DACH2: variants seen among roughly 807,000 people sequenced by gnomAD.
DACH2 encodes dachshund homolog 2.
In DACH2, 17 loss-of-function variants were observed where a neutral mutation model predicts 35.8. The observed-to-expected ratio is 0.48, with a 90% CI of 0.33 to 0.71. DACH2 has a LOEUF of 0.71. Ranked by LOEUF, DACH2 falls within the 30% of genes least tolerant of loss-of-function variation. The pLI is 0.02. For missense variants in DACH2, 469 were observed against 472.7 expected, an observed-to-expected ratio of 0.99 and a Z score of 0.07; for synonymous variants, 195 against 177.3, an observed-to-expected ratio of 1.10 and a Z score of -0.79.
Position 86,651,136 on chromosome X carries a change from A to G in DACH2, c.741A>G (p.Glu247=), listed in dbSNP as rs373386805. Residue 247 remains glutamate (E), a synonymous_variant, in exon 4 of 12, where the codon GAA becomes GAG. Coordinates refer to ENST00000373125, the MANE Select transcript of DACH2 (RefSeq NM_053281.3). ...GAAATGGAAGCCAAAATGGGACCGA[A>G]TCAGAGCCTGATGATCTTAATTCTA... The part of the protein sequence containing the change: ...LQGNGSQNGT[E]SEPDDLNSNT... The G allele has an allele frequency of 8.3e-6, 10 of 1,207,902 alleles. No homozygotes were observed. The highest frequency in any genetic ancestry group is 1.1e-5 in the Non-Finnish European group (10 of 894,215).
chrX:86,279,164 C>T (rs1290317269), intron 1 of DACH2, among the ~76,000 whole-genome samples: 3 of 111,710 alleles, frequency 2.7e-5, no homozygotes, highest in Non-Finnish European at 5.7e-5. Flanking sequence ...AGAGAGCAGC[C>T]GATGTCCCAG....
At chrX:86,514,675 G>A (rs1434500790) in intron 3 of DACH2, among the ~76,000 whole-genome samples, 2 of 111,637 alleles carry the variant, frequency 1.8e-5, no homozygotes, top group African/African-American at 3.3e-5. Context: ...AGGAATGGAG[G>A]CACTGGCCCA....
rs770099868 is a variant in DACH2, at chrX:86,148,658, C to T, written c.38C>T (p.Ser13Phe). Residue 13 changes from serine to phenylalanine, a missense_variant, in exon 1 of 12, where the codon TCC becomes TTC. This residue lies in a region of DACH2 where 99 missense variants were observed against 114.3 expected (regional missense o/e 0.87). Coordinates refer to ENST00000373125, the MANE Select transcript of DACH2 (RefSeq NM_053281.3). ...GCATCTCCAGTGATCTCTGCAACTT[C>T]CAGCGGCGCCGGCGTCCCGGGGGGC... is the stretch of plus-strand genomic sequence containing the variant. ...VSASPVISAT[S>F]SGAGVPGGLF... 15 of 1,190,123 alleles carry T rather than the reference C, an allele frequency of 1.3e-5. No homozygotes were observed. The highest frequency in any genetic ancestry group is 1.7e-5 in the Non-Finnish European group (15 of 884,334).
At chrX:86,150,123 G>A (rs758550152) in intron 1 of DACH2, among the ~76,000 whole-genome samples, 2 of 111,720 alleles carry the variant, frequency 1.8e-5, no homozygotes, top group South Asian at 7.5e-4. Flanking sequence ...AAGAAAAAAA[G>A]TATACTCAAG....
intron 6 of DACH2, among the ~76,000 whole-genome samples, chrX:86,735,703 A>C (rs886115367): frequency 7.2e-5 from 8 of 111,629 alleles, no homozygotes; most frequent in African/African-American, 2.6e-4. Context: ...GATTTGGAGA[A>C]GACTTCTGTG....
At chrX:86,408,437 T>A (rs1449036763) in intron 2 of DACH2, among the ~76,000 whole-genome samples, 1 of 111,639 alleles carries the variant, frequency 9.0e-6, no homozygotes, top group Non-Finnish European at 1.9e-5. Context: ...GCATTCCTCT[T>A]CTCACCTTAA....
At chrX:86,678,450 A>G (rs192345972) in intron 4 of DACH2, among the ~76,000 whole-genome samples, 1 of 112,635 alleles carries the variant, frequency 8.9e-6, no homozygotes, top group Non-Finnish European at 1.9e-5. Flanking sequence ...ATGTTTGAAA[A>G]CATTTACAAT....
chrX:86,736,807 C>G (rs2041601341), intron 6 of DACH2, among the ~76,000 whole-genome samples: 1 of 111,301 alleles, frequency 9.0e-6, no homozygotes, highest in Non-Finnish European at 1.9e-5. Context: ...TTTATTTTTT[C>G]ACAATAACTG....
At chrX:86,778,528 A>G (rs1212373667) in intron 7 of DACH2, among the ~76,000 whole-genome samples, 2 of 112,283 alleles carry the variant, frequency 1.8e-5, no homozygotes, top group Non-Finnish European at 3.8e-5. Context: ...ACAGCCCAAT[A>G]TATGAATTAT....
intron 2 of DACH2, among the ~76,000 whole-genome samples, chrX:86,434,463 C>A (rs1367060635): frequency 8.9e-6 from 1 of 112,040 alleles, no homozygotes; most frequent in East Asian, 2.8e-4. Flanking sequence ...TATTTCACTT[C>A]TCTTGATGGC....
intron 3 of DACH2, among the ~76,000 whole-genome samples, chrX:86,614,266 G>A (rs1305850822): frequency 3.6e-5 from 4 of 111,615 alleles, no homozygotes; most frequent in Admixed American, 1.9e-4. Context: ...TAGTGTTTAG[G>A]AAATCTTATA....
intron 2 of DACH2, among the ~76,000 whole-genome samples, chrX:86,397,112 T>C (rs987765139): frequency 6.4e-5 from 7 of 110,126 alleles, no homozygotes; most frequent in East Asian, 2.9e-4. Context: ...TCACATCCCT[T>C]GTAAGTTGGA....
At chrX:86,721,786 G>A (rs1030202577) in intron 6 of DACH2, among the ~76,000 whole-genome samples, 4 of 111,887 alleles carry the variant, frequency 3.6e-5, no homozygotes, top group African/African-American at 1.3e-4. Context: ...AGTTCCACAT[G>A]ACTGGGGAGG....
intron 6 of DACH2, among the ~76,000 whole-genome samples, chrX:86,733,987 G>A (rs956689394): frequency 8.7e-5 from 6 of 68,811 alleles, no homozygotes; most frequent in African/African-American, 3.7e-4. Flanking sequence ...GGCATTAAGG[G>A]TTGTTTGTGT....
chrX:86,816,521 A>ATCTTATGCGGTTGAGATAAGGAC (rs2042453967), intron 11 of DACH2, among the ~76,000 whole-genome samples: 1 of 112,294 alleles, frequency 8.9e-6, no homozygotes, highest in African/African-American at 3.2e-5. Flanking sequence ...ATTGTAACCT[A>ATCTTATGCGGTTGAGATAAGGAC]TCAAAATTTT....
intron 2 of DACH2, among the ~76,000 whole-genome samples, chrX:86,508,858 T>C (rs1303517719): frequency 7.2e-5 from 8 of 111,777 alleles, no homozygotes; most frequent in Non-Finnish European, 1.3e-4. Flanking sequence ...AAGTGTGTAG[T>C]CAACCCATAA....
At chrX:86,687,352 A>G (rs2040957016) in intron 4 of DACH2, among the ~76,000 whole-genome samples, 1 of 111,820 alleles carries the variant, frequency 8.9e-6, no homozygotes, top group Middle Eastern at 4.6e-3. Flanking sequence ...ATACCATCTC[A>G]CACCAGTTAG....
chrX:86,755,549 T>C (rs983819024), intron 7 of DACH2, among the ~76,000 whole-genome samples: 3 of 109,776 alleles, frequency 2.7e-5, no homozygotes, highest in African/African-American at 9.9e-5. Flanking sequence ...AGTAGTTTTA[T>C]AGTTTCAGGT....
intron 1 of DACH2, among the ~76,000 whole-genome samples, chrX:86,257,171 C>T (rs2033536608): frequency 9.0e-6 from 1 of 111,057 alleles, no homozygotes; most frequent in Non-Finnish European, 1.9e-5. Flanking sequence ...TGTTGGTGGG[C>T]GTATTGATTG....
Sources: allele counts gnomAD v4.1 joint callset (sites outside exome capture counted in the v4.1 genomes callset), GRCh38; gene constraint gnomAD v4.1.1; regional missense constraint gnomAD v4.1.1; transcripts MANE v1.5; gene names NCBI Gene and HGNC (gene_info 2026-07-23, HGNC 2026-07-21).